ELMO1: variants seen among roughly 807,000 people sequenced by gnomAD.
ELMO1 encodes the protein engulfment and cell motility 1.
Under a neutral mutation model 98.9 loss-of-function variants are expected in ELMO1, and 26 were observed. That is an observed-to-expected ratio of 0.26 (90% CI 0.19 to 0.36). The LOEUF (loss-of-function observed/expected upper bound fraction) is 0.36. Ranked by LOEUF, ELMO1 falls within the 10% of genes least tolerant of loss-of-function variation. ELMO1 has a pLI of 1.00. For synonymous variants in ELMO1, 346 were observed against 346.0 expected (o/e 1.00, Z 0.00); for missense variants, 627 against 935.2 (o/e 0.67, Z 4.30).
At chr7:36,989,468 G>A (rs566642916) in intron 16 of ELMO1, among the ~76,000 whole-genome samples, 14 of 152,258 alleles carry the variant, frequency 9.2e-5, no homozygotes, top group East Asian at 1.9e-4. Context: ...GAATTCTTAC[G>A]CACACCACAG....
chr7:37,062,610 G>A (rs1796725144), intron 15 of ELMO1, among the ~76,000 whole-genome samples: 1 of 152,160 alleles, frequency 6.6e-6, no homozygotes, highest in Admixed American at 6.5e-5. Flanking sequence ...AATGAAAGTG[G>A]GGAAAGGGAT....
intron 4 of ELMO1, among the ~76,000 whole-genome samples, chr7:37,276,839 T>C (rs1308927912): frequency 6.6e-6 from 1 of 152,216 alleles, no homozygotes; most frequent in Non-Finnish European, 1.5e-5. Flanking sequence ...ATGCTTTGTA[T>C]TGGAGGCAGG....
chr7:37,243,132 T>A (rs75778737), intron 7 of ELMO1, among the ~76,000 whole-genome samples: 6,784 of 152,274 alleles, frequency 0.045, 357 homozygotes, highest in African/African-American at 0.12. Flanking sequence ...GTCTATGATT[T>A]ATCAATAAAA....
At chr7:36,989,147 G>A (rs999375981) in intron 16 of ELMO1, among the ~76,000 whole-genome samples, 1 of 152,116 alleles carries the variant, frequency 6.6e-6, no homozygotes, top group African/African-American at 2.4e-5. Context: ...TGCATTCTAA[G>A]CACTTTGTCT....
chr7:37,041,204 C>T (rs17170845), intron 15 of ELMO1, among the ~76,000 whole-genome samples: 9,621 of 152,186 alleles, frequency 0.063, 372 homozygotes, highest in East Asian at 0.16. Flanking sequence ...GAGGGAAAAA[C>T]GACTCTCGTG....
At chr7:36,969,989 A>G (rs946514568) in intron 16 of ELMO1, among the ~76,000 whole-genome samples, 1 of 152,108 alleles carries the variant, frequency 6.6e-6, no homozygotes, top group Non-Finnish European at 1.5e-5. Context: ...AATTATTATA[A>G]AAGTCAAACT....
intron 16 of ELMO1, among the ~76,000 whole-genome samples, chr7:36,979,657 C>G (rs1471634776): frequency 6.6e-6 from 1 of 152,212 alleles, no homozygotes; most frequent in Non-Finnish European, 1.5e-5. Flanking sequence ...AGGGACAGTG[C>G]CAATGTTGGT....
rs554321889 is a variant in ELMO1 at position 37,379,079 on chromosome 7, G to A, written c.-73-36316C>T. On this transcript the variant is annotated intron_variant, in intron 1 of 21. Transcript: ENST00000310758. ...TTTTTAGACGGAGTCTAGCTCTGTCGCCCAGGCTGGAGTGCAGTGGCGTGA... is the reference window on the plus strand; with the variant it reads ...TTTTTAGACGGAGTCTAGCTCTGTCACCCAGGCTGGAGTGCAGTGGCGTGA... Among the ~76,000 whole-genome samples, 5 of 151,114 alleles carry A rather than the reference G, an allele frequency of 3.3e-5. No individual in the cohort carries two copies. In the South Asian group the frequency reaches 6.3e-4, roughly 19 times the overall value.
At chr7:37,118,736 T>A (rs1338048424) in intron 14 of ELMO1, among the ~76,000 whole-genome samples, 2 of 152,314 alleles carry the variant, frequency 1.3e-5, no homozygotes, top group African/African-American at 2.4e-5. Flanking sequence ...ACCAGGCAGA[T>A]AACCAGAAAG....
At chr7:37,448,414 C>T (rs1443107486) in intron 1 of ELMO1, among the ~76,000 whole-genome samples, 1 of 152,026 alleles carries the variant, frequency 6.6e-6, no homozygotes, top group Non-Finnish European at 1.5e-5. Context: ...TCCGCTCCCA[C>T]TCCCACTCCC....
At chr7:37,313,901 C>T (rs1799016746) in intron 4 of ELMO1, among the ~76,000 whole-genome samples, 1 of 152,174 alleles carries the variant, frequency 6.6e-6, no homozygotes, top group Admixed American at 6.5e-5. Flanking sequence ...TCAGCACTGG[C>T]CACCTTGTTA....
At chr7:37,094,814 G>A (rs764552516) in intron 15 of ELMO1, among the ~76,000 whole-genome samples, 8 of 152,182 alleles carry the variant, frequency 5.3e-5, no homozygotes, top group South Asian at 2.1e-4. Context: ...GAGAGAACCT[G>A]GAGGTGTAGG....
At chr7:37,353,318 G>A (rs1204815021) in intron 1 of ELMO1, 1 of 152,460 alleles carries the variant, frequency 6.6e-6, no homozygotes, top group Non-Finnish European at 1.5e-5. Flanking sequence ...GGTGTGTCCA[G>A]AGTTTGTTCC....
chr7:37,215,671 T>C (rs1452688150), intron 11 of ELMO1, among the ~76,000 whole-genome samples: 1 of 152,258 alleles, frequency 6.6e-6, no homozygotes, highest in Non-Finnish European at 1.5e-5. Flanking sequence ...TCAGCCAGCT[T>C]ACCTGGCCTC....
At chr7:36,891,377 G>C (rs1257924703) in intron 17 of ELMO1, among the ~76,000 whole-genome samples, 1 of 152,230 alleles carries the variant, frequency 6.6e-6, no homozygotes, top group Non-Finnish European at 1.5e-5. Context: ...TTGGTTATGA[G>C]AAAGCTTTCA....
intron 13 of ELMO1, among the ~76,000 whole-genome samples, chr7:37,135,677 G>A (rs990282633): frequency 1.3e-5 from 2 of 152,178 alleles, no homozygotes; most frequent in South Asian, 2.1e-4. Flanking sequence ...GGAGAAGGGG[G>A]AGAACACCAC....
chr7:37,324,328 A>G (rs930251060), intron 2 of ELMO1, among the ~76,000 whole-genome samples: 2 of 152,108 alleles, frequency 1.3e-5, no homozygotes, highest in African/African-American at 4.8e-5. Flanking sequence ...TTTAGCCACT[A>G]TGGAGCATGG....
rs1794896407 is a variant in ELMO1 at position 37,244,389 on chromosome 7, C to T, written c.416G>A (p.Arg139Gln). Residue 139 changes from arginine (R) to glutamine (Q), a missense_variant and splice_region_variant, in exon 7 of 22, where the codon CGA becomes CAA. Coordinates refer to ENST00000310758, the MANE Select transcript of ELMO1 (RefSeq NM_014800.11). Reference protein sequence around the residue: ...LTQMVESGTERYQKLQKIMKP... With the variant: ...LTQMVESGTEQYQKLQKIMKP... ...CATGATCTTCTGCAATTTCTGGTAT[C>T]GCCTGCAAAATTTAAAAACAACCAT... 6.2e-7 allele frequency: 1 copy of T among 1,612,644 alleles called. No homozygotes were observed. The highest frequency in any genetic ancestry group is 8.5e-7 in the Non-Finnish European group (1 of 1,179,690).
chr7:37,319,619 C>A (rs994163073), intron 2 of ELMO1, among the ~76,000 whole-genome samples: 2 of 152,204 alleles, frequency 1.3e-5, no homozygotes, highest in African/African-American at 4.8e-5. Flanking sequence ...CAAAATCGTA[C>A]CTTCCATCAG....
Sources: allele counts gnomAD v4.1 joint callset (sites outside exome capture counted in the v4.1 genomes callset), GRCh38; gene constraint gnomAD v4.1.1; transcripts MANE v1.5; gene names NCBI Gene and HGNC (gene_info 2026-07-23, HGNC 2026-07-21).